The following KIAA1671 variants were observed in gnomAD, a reference collection of about 807,000 sequenced individuals.
KIAA1671 encodes uncharacterized protein KIAA1671.
In KIAA1671, 52 loss-of-function variants were observed where a neutral mutation model predicts 131.2. The observed-to-expected ratio is 0.40, with a 90% CI of 0.32 to 0.50. The LOEUF (loss-of-function observed/expected upper bound fraction) is 0.50, where lower values mean the gene tolerates loss of function less well. Ranked by LOEUF, KIAA1671 falls within the 20% of genes least tolerant of loss-of-function variation. KIAA1671 has a pLI of 0.73. For synonymous variants in KIAA1671, 1,003 were observed against 961.6 expected (o/e 1.04, Z -0.80); for missense variants, 2,360 against 2,364.2 (o/e 1.00, Z 0.04).
intron 6 of KIAA1671, among the ~76,000 whole-genome samples, chr22:25,118,132 CTG>C (rs1931767710): frequency 3.6e-5 from 3 of 83,552 alleles, no homozygotes; most frequent in Admixed American, 1.2e-4. Flanking sequence ...GAATGCAACT[CTG>C]TCTCAAAAAA....
At chr22:25,173,736 G>A (rs1271330567) in intron 7 of KIAA1671, among the ~76,000 whole-genome samples, 1 of 152,230 alleles carries the variant, frequency 6.6e-6, no homozygotes, top group East Asian at 1.9e-4. Context: ...ATTTAGGGAT[G>A]TATTTTATCA....
chr22:25,115,420 T>C (rs1931601938), intron 6 of KIAA1671, among the ~76,000 whole-genome samples: 1 of 152,156 alleles, frequency 6.6e-6, no homozygotes, highest in Admixed American at 6.5e-5. Flanking sequence ...CTGAGTGACC[T>C]TGGGCAGCTT....
intron 6 of KIAA1671, chr22:25,055,840 A>G (rs1927811750): frequency 6.7e-6 from 1 of 149,308 alleles, no homozygotes; most frequent in South Asian, 2.3e-4. Flanking sequence ...AGATATAGAT[A>G]CAGATACAGA....
intron 6 of KIAA1671, among the ~76,000 whole-genome samples, chr22:25,087,455 G>A (rs1471177550): frequency 6.6e-6 from 1 of 152,122 alleles, no homozygotes; most frequent in Non-Finnish European, 1.5e-5. Context: ...ATGGTGGCGG[G>A]CGCCTATAAC....
rs188368587 is a variant in KIAA1671 at position 25,006,224 on chromosome 22, G to A, written c.-207-19409G>A. On this transcript the variant is annotated intron_variant, in intron 1 of 12. Coordinates refer to ENST00000358431, the MANE Select transcript of KIAA1671 (RefSeq NM_001145206.2). Reference sequence around the variant, plus strand: ...TTTTTTGTATTTTTAGTAGAGACGGGGTTTCACCATGTTGGCCAGGCTGGT... The same window carrying A: ...TTTTTTGTATTTTTAGTAGAGACGGAGTTTCACCATGTTGGCCAGGCTGGT... Among the ~76,000 whole-genome samples the A allele has an allele frequency of 3.5e-3, 525 of 152,108 alleles. 3 individuals carry two copies. Among genetic ancestry groups the A allele is most frequent in the African/African-American group, 0.012 (503 of 41,480 alleles).
At chr22:25,127,583 T>G (rs1292621584) in intron 6 of KIAA1671, among the ~76,000 whole-genome samples, 1 of 147,062 alleles carries the variant, frequency 6.8e-6, no homozygotes, top group Non-Finnish European at 1.5e-5. Context: ...ACCCCACCCC[T>G]AAGTTGCTAC....
chr22:25,083,621 G>A (rs1276873275), intron 6 of KIAA1671, among the ~76,000 whole-genome samples: 2 of 152,234 alleles, frequency 1.3e-5, no homozygotes, highest in African/African-American at 4.8e-5. Context: ...GTGGAGCCAA[G>A]ATTTGATCCC....
chr22:25,133,525 TC>T (rs1408577698), intron 6 of KIAA1671, among the ~76,000 whole-genome samples: 1 of 152,182 alleles, frequency 6.6e-6, no homozygotes, highest in Admixed American at 6.5e-5. Flanking sequence ...CAATGTTAGT[TC>T]CTTCTTCCTG....
intron 11 of KIAA1671, among the ~76,000 whole-genome samples, chr22:25,188,522 CAG>C (rs981005346): frequency 6.7e-6 from 1 of 148,210 alleles, no homozygotes; most frequent in Non-Finnish European, 1.5e-5. Flanking sequence ...CTGAACAAGG[CAG>C]AGATTAGGGG....
At chr22:24,964,134 G>A (rs1344909450) in intron 1 of KIAA1671, among the ~76,000 whole-genome samples, 2 of 152,204 alleles carry the variant, frequency 1.3e-5, no homozygotes, top group Admixed American at 1.3e-4. Context: ...TTTGAGACCA[G>A]CCTGGCCAAC....
intron 6 of KIAA1671, chr22:25,056,231 C>T (rs907650171): frequency 4.0e-5 from 6 of 148,656 alleles, no homozygotes; most frequent in Non-Finnish European, 9.0e-5. Flanking sequence ...TATTTTTTTC[C>T]CATTCTGTGG....
At chr22:25,133,192 C>T (rs1649089192) in intron 6 of KIAA1671, among the ~76,000 whole-genome samples, 1 of 152,156 alleles carries the variant, frequency 6.6e-6, no homozygotes, top group Non-Finnish European at 1.5e-5. Flanking sequence ...TGGTCCTTGG[C>T]ACCCTGCTGT....
In KIAA1671 at chr22:25,129,170, C is replaced by T. The variant is rs554279105; in HGVS notation, c.4531-41650C>T. On this transcript the variant is annotated intron_variant, in intron 6 of 12. Transcript: ENST00000358431. Reference sequence around the variant, plus strand: ...GATGGTGGCGGCATGGTGGGCGGGGCGGTGGGGGGGCTCCCTATTTTGCAG... The same window carrying T: ...GATGGTGGCGGCATGGTGGGCGGGGTGGTGGGGGGGCTCCCTATTTTGCAG... Among the ~76,000 whole-genome samples, 16 of 140,748 alleles carry T rather than the reference C, an allele frequency of 1.1e-4. No individual in the cohort carries two copies. The East Asian group carries it at 2.4e-3, about 22-fold the overall frequency. 92.3% of individuals were successfully genotyped at this position (140,748 alleles called of 152,430 possible). A position where few individuals can be genotyped will look rare whatever the true frequency, so the allele number is the denominator to read the frequency against.
At chr22:25,037,556 G>A (rs1037778049) in intron 4 of KIAA1671, among the ~76,000 whole-genome samples, 1 of 152,026 alleles carries the variant, frequency 6.6e-6, no homozygotes, top group Non-Finnish European at 1.5e-5. Flanking sequence ...GCACAACTGA[G>A]TGGCATTAAG....
At chr22:25,091,560 T>C (rs1433301034) in intron 6 of KIAA1671, among the ~76,000 whole-genome samples, 1 of 152,224 alleles carries the variant, frequency 6.6e-6, no homozygotes, top group Non-Finnish European at 1.5e-5. Flanking sequence ...CTATTCTATA[T>C]CAGCAGAGAT....
chr22:25,175,334 C>T (rs2011102), intron 8 of KIAA1671: 81,911 of 152,060 alleles, frequency 0.54, 22,778 homozygotes, highest in South Asian at 0.66. Context: ...CCCACCTACA[C>T]ACTTGGGCAT....
intron 10 of KIAA1671, among the ~76,000 whole-genome samples, chr22:25,184,354 A>G (rs1934397205): frequency 6.6e-6 from 1 of 152,310 alleles, no homozygotes; most frequent in South Asian, 2.1e-4. Flanking sequence ...GGTAGAGCAA[A>G]AGTGATGGGT....
At chr22:25,151,023 A>T (rs1601359834) in intron 6 of KIAA1671, among the ~76,000 whole-genome samples, 1 of 151,246 alleles carries the variant, frequency 6.6e-6, no homozygotes, top group Admixed American at 6.6e-5. Context: ...TTTAGTAGAG[A>T]CGGGGTTTCA....
chr22:25,165,082 C>T (rs574228781), intron 6 of KIAA1671, among the ~76,000 whole-genome samples: 22 of 151,030 alleles, frequency 1.5e-4, no homozygotes, highest in African/African-American at 5.4e-4. Context: ...GATTTGAAGT[C>T]CCGCCAAGTT....
Sources: gnomAD v4.1 joint callset for allele counts (sites outside exome capture counted in the v4.1 genomes callset) on GRCh38, gnomAD v4.1.1 for gene constraint, MANE v1.5 for transcripts, NCBI Gene and HGNC (gene_info 2026-07-23, HGNC 2026-07-21) for gene names.